SNORC: variants seen among roughly 807,000 people sequenced by gnomAD.
The protein encoded by SNORC is protein SNORC.
A neutral mutation model predicts 9.7 loss-of-function variants in SNORC; 11 were observed. That is an observed-to-expected ratio of 1.14 (90% CI 0.72 to 1.88). The LOEUF (loss-of-function observed/expected upper bound fraction) is 1.88, where lower values mean the gene tolerates loss of function less well. SNORC is among the 40% of genes most tolerant of loss of function. SNORC has a pLI of 0.00. For missense variants in SNORC, 197 were observed against 173.1 expected, an observed-to-expected ratio of 1.14 and a Z score of -0.77; for synonymous variants, 108 against 88.7, an observed-to-expected ratio of 1.22 and a Z score of -1.22.
chr2:232,869,923 G>A, upstream of SNORC: 1 of 302,902 alleles, frequency 3.3e-6, no homozygotes, highest in Non-Finnish European at 6.3e-6. Flanking sequence ...GGCTACCCAA[G>A]CCCCACTGAA....
chr2:232,877,280 C>G (rs1015528586), downstream of SNORC: 50 of 985,368 alleles, frequency 5.1e-5, no homozygotes, highest in Non-Finnish European at 5.9e-5. Flanking sequence ...ACTCACCTCA[C>G]TTCACCCTCA....
In SNORC at chr2:232,876,173, G is replaced by A; in HGVS notation, c.256+51G>A. The A allele has an allele frequency of 7.8e-7, 1 of 1,281,848 alleles. No homozygotes were observed. Among genetic ancestry groups the A allele is most frequent in the Non-Finnish European group, 1.1e-6 (1 of 949,872 alleles). 79.4% of individuals were successfully genotyped at this position (1,281,848 alleles called of 1,614,324 possible). On this transcript the variant is annotated intron_variant, in intron 2 of 2. Transcript: ENST00000331342. The surrounding 1 kb of genome is among the most constrained non-coding windows in gnomAD (Gnocchi z 6.8). ...GGAGAGGGAGAAATTAGGAGGGGCG[G>A]GGGGCGGGGGGCGCGGGGAGAAGGG...
chr2:232,876,992 G>C (rs1164370174), downstream of SNORC: 1 of 985,482 alleles, frequency 1.0e-6, no homozygotes. The surrounding 1 kb of genome is among the most constrained non-coding windows in gnomAD (Gnocchi z 6.8). Flanking sequence ...CGGGGTTGGG[G>C]AGGGCAGGGG....
chr2:232,876,346 C>G lies in SNORC; in HGVS notation c.356C>G (p.Ser119Cys). The change falls in exon 3 of 3, where the codon TCT becomes TGT. Residue 119 changes from serine (S) to cysteine (C), a missense_variant. Ser to Cys is a moderately radical substitution (Grantham distance 112, BLOSUM62 -1). Transcript: ENST00000331342. This position sits in a 1 kb window ranked among gnomAD's most constrained non-coding sequence, Gnocchi z 6.8. ...GTGGTCGTCGCGCTGAGAAAGTTTT[C>G]TGCCTCCTGAAGCGAATAAAGGGGC... 1 of 1,542,742 alleles carries G rather than the reference C, an allele frequency of 6.5e-7. No homozygotes were observed. The highest frequency in any genetic ancestry group is 8.7e-7 in the Non-Finnish European group (1 of 1,148,054).
upstream of SNORC, among the ~76,000 whole-genome samples, chr2:232,867,894 A>G (rs1009902764): frequency 2.8e-4 from 42 of 152,160 alleles, no homozygotes; most frequent in African/African-American, 9.7e-4. Context: ...GACTGCCTAA[A>G]CCTTTGAGGA....
intron 1 of SNORC, among the ~76,000 whole-genome samples, chr2:232,873,657 G>A (rs1411476033): frequency 6.6e-6 from 1 of 152,230 alleles, no homozygotes; most frequent in African/African-American, 2.4e-5. Context: ...CAGTCAGTGA[G>A]CCTAGACCCT....
chr2:232,876,349 C>T lies in SNORC; in HGVS notation c.359C>T (p.Ala120Val), dbSNP rs1001493716. ...GTCGTCGCGCTGAGAAAGTTTTCTG[C>T]CTCCTGAAGCGAATAAAGGGGCCGC... Residue 120 changes from alanine to valine, a missense_variant, in exon 3 of 3, where the codon GCC becomes GTC. Ala to Val is a moderately conservative substitution (Grantham distance 64). Transcript: ENST00000331342. This position sits in a 1 kb window ranked among gnomAD's most constrained non-coding sequence, Gnocchi z 6.8. 5 of 1,538,826 alleles carry T rather than the reference C, an allele frequency of 3.2e-6. No homozygotes were observed. Among genetic ancestry groups the T allele is most frequent in the South Asian group, 2.4e-5 (2 of 84,044 alleles).
downstream of SNORC, chr2:232,877,117 C>A: frequency 1.0e-6 from 1 of 986,002 alleles, no homozygotes; most frequent in Non-Finnish European, 1.2e-6. Context: ...CCCCCTCTGC[C>A]CAGGGAGCCT....
upstream of SNORC, chr2:232,870,221 A>T: frequency 2.3e-6 from 2 of 878,840 alleles, no homozygotes; most frequent in Non-Finnish European, 3.6e-6. Context: ...TCCCAGGAGG[A>T]CAGAGTTTGC....
At chr2:232,878,117 G>C (rs2106200981), downstream of SNORC, 1 of 152,430 alleles carries the variant, frequency 6.6e-6, no homozygotes, top group Middle Eastern at 3.4e-3. Context: ...GAGGGTCTGA[G>C]GTCCGAGCAC....
At chr2:232,876,937 C>A (rs1691278622), downstream of SNORC, 1 of 985,418 alleles carries the variant, frequency 1.0e-6, no homozygotes, top group East Asian at 1.1e-4. This position sits in a 1 kb window ranked among gnomAD's most constrained non-coding sequence, Gnocchi z 6.8. Context: ...AGCGCTAGGG[C>A]AGGAGAGGCC....
intron 1 of SNORC, among the ~76,000 whole-genome samples, chr2:232,874,943 A>G (rs986125093): frequency 6.6e-6 from 1 of 152,244 alleles, no homozygotes; most frequent in African/African-American, 2.4e-5. Context: ...ACCACAGAGT[A>G]GCTGGAGTCA....
At chr2:232,878,562 C>G (rs116065069), downstream of SNORC, 1 of 152,484 alleles carries the variant, frequency 6.6e-6, no homozygotes, top group African/African-American at 2.4e-5. Flanking sequence ...GTTCCTTCCT[C>G]TCTGGAAACC....
chr2:232,875,837 C>T, intron 1 of SNORC, 103 bp from the exon 2 acceptor site: 2 of 1,221,808 alleles, frequency 1.6e-6, no homozygotes, highest in African/African-American at 1.5e-5. Flanking sequence ...AGCCCAGACC[C>T]CTCACACAGC....
chr2:232,876,071 G>A lies in SNORC; in HGVS notation c.205G>A (p.Ala69Thr), dbSNP rs1191041241. The stretch of plus-strand genomic sequence containing the variant: ...CACCGGTCCCCCAGCCCCCACCGTC[G>A]CGCCAGGACCCGAGGACAGCACCGC... Residue 69 changes from alanine to threonine, a missense_variant, in exon 2 of 3, where the codon GCG becomes ACG. Transcript: ENST00000331342. This position sits in a 1 kb window ranked among gnomAD's most constrained non-coding sequence, Gnocchi z 6.8. 1 of 1,534,288 alleles carries A rather than the reference G, an allele frequency of 6.5e-7. No individual in the cohort carries two copies. The highest frequency in any genetic ancestry group is 2.5e-5 in the East Asian group (1 of 40,360).
downstream of SNORC, chr2:232,876,636 G>T: frequency 9.6e-7 from 1 of 1,037,054 alleles, no homozygotes; most frequent in Non-Finnish European, 1.2e-6. This position sits in a 1 kb window ranked among gnomAD's most constrained non-coding sequence, Gnocchi z 6.8. Context: ...AGCGCGCGCA[G>T]GGCCGCGCGG....
downstream of SNORC, chr2:232,877,043 A>C: frequency 1.0e-6 from 1 of 985,220 alleles, no homozygotes; most frequent in African/African-American, 1.7e-5. Flanking sequence ...GTTTTGGGGG[A>C]CGTCTTGACT....
At chr2:232,876,411 C>A (rs1376469609), downstream of SNORC, 23 of 1,477,890 alleles carry the variant, frequency 1.6e-5, no homozygotes, top group Admixed American at 5.1e-5. The surrounding 1 kb of genome is among the most constrained non-coding windows in gnomAD (Gnocchi z 6.8). Context: ...ACTCCTCACG[C>A]GCCTGTATGT....
intron 1 of SNORC, 127 bp downstream of exon 1, chr2:232,870,541 G>T: frequency 1.1e-6 from 1 of 932,970 alleles, no homozygotes; most frequent in Non-Finnish European, 1.6e-6. Context: ...GACTATTTGG[G>T]GTGATTCTGC....
Sources: allele counts gnomAD v4.1 joint callset (sites outside exome capture counted in the v4.1 genomes callset), GRCh38; gene constraint gnomAD v4.1.1; non-coding constraint Gnocchi (gnomAD v3.1); transcripts MANE v1.5; gene names NCBI Gene and HGNC (gene_info 2026-07-23, HGNC 2026-07-21).